The following GBE1 variants were observed in gnomAD, a reference collection of about 807,000 sequenced individuals.
GBE1 encodes the protein 1,4-alpha-glucan-branching enzyme.
GBE1 carries 70 observed loss-of-function variants against 88.8 expected under a neutral mutation model. That is an observed-to-expected ratio of 0.79 (90% CI 0.65 to 0.96). GBE1 has a LOEUF of 0.96. GBE1 is among the 40% of genes least tolerant of loss of function. GBE1 has a pLI of 0.00. For missense variants in GBE1, 872 were observed against 871.0 expected (o/e 1.00, Z -0.01); for synonymous variants, 284 against 300.1 (o/e 0.95, Z 0.56).
intron 2 of GBE1, among the ~76,000 whole-genome samples, chr3:81,686,190 A>C (rs375051746): frequency 2.0e-5 from 3 of 152,186 alleles, no homozygotes; most frequent in South Asian, 4.1e-4. Context: ...GAGAAAAATA[A>C]TGTTTCGCTT....
chr3:81,652,673 G>A (rs938401670), intron 3 of GBE1, among the ~76,000 whole-genome samples: 1 of 152,104 alleles, frequency 6.6e-6, no homozygotes, highest in Non-Finnish European at 1.5e-5. Flanking sequence ...TAGTAACTTA[G>A]GTTTTACTTA....
chr3:81,617,243 T>A (rs1704260948), intron 7 of GBE1, among the ~76,000 whole-genome samples: 1 of 152,000 alleles, frequency 6.6e-6, no homozygotes, highest in African/African-American at 2.4e-5. Context: ...TGGCTTTATT[T>A]CATTAGCCAG....
intron 2 of GBE1, among the ~76,000 whole-genome samples, chr3:81,699,402 G>T (rs1316532611): frequency 6.6e-6 from 1 of 152,012 alleles, no homozygotes; most frequent in African/African-American, 2.4e-5. Context: ...CACAAAGATG[G>T]GTCATACGTT....
intron 1 of GBE1, among the ~76,000 whole-genome samples, chr3:81,726,853 T>TA (rs1360628287): frequency 6.6e-6 from 1 of 152,206 alleles, no homozygotes; most frequent in Non-Finnish European, 1.5e-5. Context: ...ATGCTAGGAT[T>TA]ATAGGCGTGA....
chr3:81,509,378 T>G (rs569107033), intron 14 of GBE1: 1 of 151,252 alleles, frequency 6.6e-6, no homozygotes, highest in East Asian at 2.0e-4. Context: ...CAATCCTACC[T>G]GAAAATTAAA....
At chr3:81,596,299 TA>T (rs1158556026) in intron 7 of GBE1, among the ~76,000 whole-genome samples, 1 of 151,950 alleles carries the variant, frequency 6.6e-6, no homozygotes, top group African/African-American at 2.4e-5. Flanking sequence ...CTTTTTTTTT[TA>T]TTATACTTTA....
intron 12 of GBE1, among the ~76,000 whole-genome samples, chr3:81,560,017 T>C (rs1559644976): frequency 6.6e-6 from 1 of 152,008 alleles, no homozygotes; most frequent in Admixed American, 6.6e-5. Flanking sequence ...TCCTTATATG[T>C]TCACATAGCT....
intron 14 of GBE1, among the ~76,000 whole-genome samples, chr3:81,515,060 G>A (rs561341352): frequency 6.6e-6 from 1 of 151,506 alleles, no homozygotes; most frequent in Non-Finnish European, 1.5e-5. Context: ...TAAAAGGAAA[G>A]GCTCAATGTG....
At chr3:81,691,404 T>C (rs1374353558) in intron 2 of GBE1, among the ~76,000 whole-genome samples, 1 of 152,200 alleles carries the variant, frequency 6.6e-6, no homozygotes, top group Non-Finnish European at 1.5e-5. Flanking sequence ...TTTGGTTTAA[T>C]ATGTACAATT....
At chr3:81,558,009 A>G (rs185368566) in intron 12 of GBE1, among the ~76,000 whole-genome samples, 85 of 152,118 alleles carry the variant, frequency 5.6e-4, no homozygotes, top group African/African-American at 1.9e-3. Context: ...CATCAGGGAA[A>G]GTACAAGAGT....
chr3:81,560,448 A>T (rs1703401286), intron 12 of GBE1, among the ~76,000 whole-genome samples: 1 of 152,014 alleles, frequency 6.6e-6, no homozygotes, highest in African/African-American at 2.4e-5. Flanking sequence ...ACTCAGTATA[A>T]CAATTTCAAA....
At position 81,617,867 on chromosome 3, in the gene GBE1, T is replaced by G. The variant is rs144639861; in HGVS notation, c.993-23844A>C. ...TACATGTAGGTTTTCCTATGTTACA[T>G]GCTTTTAAGTTACAAATTAAATTTT... On this transcript the variant is annotated intron_variant, in intron 7 of 15. Coordinates refer to ENST00000429644, the MANE Select transcript of GBE1 (RefSeq NM_000158.4). 1.3e-3 allele frequency among the ~76,000 whole-genome samples: 198 copies of G among 152,166 alleles called. 2 individuals are homozygous for G. Among genetic ancestry groups the G allele is most frequent in the African/African-American group, 4.6e-3 (193 of 41,572 alleles).
At chr3:81,546,439 A>C (rs548690919) in intron 12 of GBE1, among the ~76,000 whole-genome samples, 4,719 of 151,436 alleles carry the variant, frequency 0.031, 104 homozygotes, top group Non-Finnish European at 0.049. Context: ...TAAAATAAGG[A>C]TGAGACCTAC....
chr3:81,596,392 T>C (rs1277308274), intron 7 of GBE1, among the ~76,000 whole-genome samples: 2 of 151,866 alleles, frequency 1.3e-5, no homozygotes, highest in Non-Finnish European at 2.9e-5. Context: ...ACCCAGTAAC[T>C]CATCATTTAA....
At chr3:81,657,942 A>G (rs1189589321) in intron 3 of GBE1, among the ~76,000 whole-genome samples, 1 of 152,146 alleles carries the variant, frequency 6.6e-6, no homozygotes, top group East Asian at 1.9e-4. Context: ...GAGCTCTTAT[A>G]TTATGCAAGA....
chr3:81,542,073 T>G (rs909245910), intron 12 of GBE1, among the ~76,000 whole-genome samples: 5 of 152,124 alleles, frequency 3.3e-5, no homozygotes, highest in African/African-American at 1.2e-4. Context: ...TATATTTATA[T>G]CTATATCTAT....
chr3:81,554,323 A>T (rs1001241986), intron 12 of GBE1, among the ~76,000 whole-genome samples: 2 of 152,246 alleles, frequency 1.3e-5, no homozygotes, highest in Non-Finnish European at 2.9e-5. Context: ...ATAAGGCACC[A>T]ACTGAAAGAT....
At chr3:81,668,628 T>G (rs1559682096) in intron 3 of GBE1, among the ~76,000 whole-genome samples, 1 of 152,216 alleles carries the variant, frequency 6.6e-6, no homozygotes, top group African/African-American at 2.4e-5. Flanking sequence ...TCTTATCTTT[T>G]AATAGATGAT....
intron 14 of GBE1, among the ~76,000 whole-genome samples, chr3:81,516,066 A>C (rs1559630604): frequency 6.6e-6 from 1 of 151,718 alleles, no homozygotes; most frequent in Non-Finnish European, 1.5e-5. Context: ...TCTAGCTAGG[A>C]TATTGATAAA....
Sources: allele counts gnomAD v4.1 joint callset (sites outside exome capture counted in the v4.1 genomes callset), GRCh38; gene constraint gnomAD v4.1.1; transcripts MANE v1.5; gene names NCBI Gene and HGNC (gene_info 2026-07-23, HGNC 2026-07-21).